DAB2IP: variants seen among roughly 807,000 people sequenced by gnomAD.
DAB2IP encodes disabled homolog 2-interacting protein.
DAB2IP carries 28 observed loss-of-function variants against 107.2 expected under a neutral mutation model. The ratio of observed to expected loss-of-function variants is 0.26; its 90% CI spans 0.19 to 0.36. The LOEUF is 0.36. Ranked by LOEUF, DAB2IP falls within the 10% of genes least tolerant of loss-of-function variation. The pLI is 1.00. For missense variants in DAB2IP, 1,400 were observed against 1,644.7 expected, an observed-to-expected ratio of 0.85 and a Z score of 2.57; for synonymous variants, 755 against 706.4, an observed-to-expected ratio of 1.07 and a Z score of -1.09.
chr9:121,628,743 T>G (rs1184913702), intron 1 of DAB2IP, among the ~76,000 whole-genome samples: 2 of 152,184 alleles, frequency 1.3e-5, no homozygotes, highest in Non-Finnish European at 2.9e-5. Flanking sequence ...AGAGGCTCTT[T>G]GGCTACCTGT....
At chr9:121,779,456 C>T (rs79724218) in intron 14 of DAB2IP, among the ~76,000 whole-genome samples, 11,812 of 152,256 alleles carry the variant, frequency 0.078, 1,064 homozygotes, top group African/African-American at 0.22. Context: ...TTGTGAATCT[C>T]ACAGTGAGGT....
exon 10 of DAB2IP, chr9:121,768,508 C>G: frequency 6.2e-7 from 1 of 1,614,232 alleles, no homozygotes; most frequent in Non-Finnish European, 8.5e-7. Flanking sequence ...GCAGCGCTTC[C>G]TGCTGGAGAT....
In DAB2IP at chr9:121,699,473, G is replaced by A; in HGVS notation, c.362+15G>A. 7.6e-7 allele frequency: 1 copy of A among 1,320,754 alleles called. No homozygotes were observed. The highest frequency in any genetic ancestry group is 1.6e-5 in the African/African-American group (1 of 63,682). The allele number at this position is 1,320,754 out of a possible 1,614,324, so 81.8% of individuals were successfully genotyped here. ...GACAATGAGAGGTGAGCCCGCCGCC[G>A]CCGCCCGGTCCCCCGCGCCGCCGCC... On this transcript the variant is annotated intron_variant, in intron 3 of 15. Transcript: ENST00000408936. The surrounding 1 kb of genome is among the most constrained non-coding windows in gnomAD (Gnocchi z 6.2).
At chr9:121,614,014 G>A (rs1389008236) in intron 1 of DAB2IP, among the ~76,000 whole-genome samples, 2 of 152,162 alleles carry the variant, frequency 1.3e-5, no homozygotes, top group Non-Finnish European at 2.9e-5. Context: ...AAACTGATGT[G>A]CTGGGGGGCT....
intron 1 of DAB2IP, among the ~76,000 whole-genome samples, chr9:121,593,041 C>T (rs1830448367): frequency 6.6e-6 from 1 of 152,178 alleles, no homozygotes; most frequent in Non-Finnish European, 1.5e-5. Context: ...TCTCCTGGGC[C>T]AGCCTCCCTG....
rs1207573724 is a variant in DAB2IP at position 121,782,451 on chromosome 9, T to C, written c.3523T>C (p.Leu1175=). 2 of 1,613,828 alleles carry C rather than the reference T, an allele frequency of 1.2e-6. No homozygotes were observed. The highest frequency in any genetic ancestry group is 1.3e-5 in the African/African-American group (1 of 74,864). Residue 1175 remains leucine (L), a synonymous_variant, in exon 16 of 16, where the codon TTG becomes CTG. Coordinates refer to ENST00000408936, the Ensembl canonical transcript of DAB2IP. The surrounding 1 kb of genome is among the most constrained non-coding windows in gnomAD (Gnocchi z 6.1). Reference sequence around the variant, plus strand: ...CATCTCCCCCACCAACCCCACCAAATTGCAGATTACTGAGAACGGCGAGTT... The same window carrying C: ...CATCTCCCCCACCAACCCCACCAAACTGCAGATTACTGAGAACGGCGAGTT...
At chr9:121,641,962 C>CTG (rs1213547016) in intron 1 of DAB2IP, among the ~76,000 whole-genome samples, 20 of 35,944 alleles carry the variant, frequency 5.6e-4, no homozygotes, top group African/African-American at 2.4e-3. Context: ...TTCTTTCTTT[C>CTG]TCTCTCTCTC....
chr9:121,781,890 A>G (rs1007961873), intron 15 of DAB2IP, among the ~76,000 whole-genome samples: 1 of 152,150 alleles, frequency 6.6e-6, no homozygotes, highest in African/African-American at 2.4e-5. Context: ...CTCGTTCACA[A>G]CTATGGCATC....
chr9:121,743,885 G>T (rs950251852), intron 3 of DAB2IP, among the ~76,000 whole-genome samples: 4 of 143,692 alleles, frequency 2.8e-5, no homozygotes, highest in Non-Finnish European at 6.0e-5. Context: ...GCCCCTCTAC[G>T]CAGACATCCA....
At position 121,651,799 on chromosome 9, in the gene DAB2IP, G is replaced by T; in HGVS notation, c.24G>T (p.Arg8Ser). 6.9e-7 allele frequency: 1 copy of T among 1,440,052 alleles called. No homozygotes were observed. The highest frequency in any genetic ancestry group is 9.2e-7 in the Non-Finnish European group (1 of 1,091,926). 89.2% of individuals were successfully genotyped at this position (1,440,052 alleles called of 1,614,324 possible). Residue 8 changes from arginine to serine, a missense_variant, in exon 1 of 16, where the codon AGG becomes AGT. Arg to Ser is a moderately radical substitution (Grantham distance 110). This residue lies in a region of DAB2IP where 283 missense variants were observed against 237.0 expected (regional missense o/e 1.19). Transcript: ENST00000408936. The surrounding 1 kb of genome is among the most constrained non-coding windows in gnomAD (Gnocchi z 5.1). ...GCATGTCCGCGGGCGGCAGCGCCAG[G>T]AAGAGCACCGGGAGGTCCTCCTACT...
chr9:121,632,166 G>A (rs536430528), intron 1 of DAB2IP, among the ~76,000 whole-genome samples: 86 of 152,320 alleles, frequency 5.6e-4, no homozygotes, highest in Non-Finnish European at 1.1e-3. Context: ...TACTAGCTGC[G>A]TGGCCTCGGG....
chr9:121,581,239 A>T (rs990940940), intron 1 of DAB2IP, among the ~76,000 whole-genome samples: 1 of 152,166 alleles, frequency 6.6e-6, no homozygotes, highest in Admixed American at 6.5e-5. Flanking sequence ...AAGAAGACCC[A>T]GAGCCAAGGG....
intron 1 of DAB2IP, among the ~76,000 whole-genome samples, chr9:121,655,571 A>C (rs1479734960): frequency 6.6e-6 from 1 of 152,146 alleles, no homozygotes; most frequent in Non-Finnish European, 1.5e-5. Context: ...GTCTCTTTCT[A>C]GGGGACAGAG....
chr9:121,620,233 GC>G (rs748024980), intron 1 of DAB2IP, among the ~76,000 whole-genome samples: 3 of 152,220 alleles, frequency 2.0e-5, no homozygotes, highest in Non-Finnish European at 4.4e-5. Context: ...TGGAGCCCTG[GC>G]CAGGCACCCC....
chr9:121,756,907 G>T, intron 3 of DAB2IP, 106 bp from the exon 4 acceptor site: 1 of 1,462,770 alleles, frequency 6.8e-7, no homozygotes, highest in Non-Finnish European at 9.5e-7. Context: ...GTGGAGAGGA[G>T]TGGCTGCCTG....
intron 1 of DAB2IP, among the ~76,000 whole-genome samples, chr9:121,660,531 A>G (rs1321873140): frequency 6.6e-6 from 1 of 152,162 alleles, no homozygotes; most frequent in African/African-American, 2.4e-5. Context: ...GGGGGAAGGC[A>G]GAGGGCAGGT....
chr9:121,693,660 G>A (rs1157231722), intron 2 of DAB2IP, among the ~76,000 whole-genome samples: 1 of 152,230 alleles, frequency 6.6e-6, no homozygotes, highest in Non-Finnish European at 1.5e-5. Flanking sequence ...TCCCCAGTGG[G>A]CAGCTGAGAG....
intron 3 of DAB2IP, among the ~76,000 whole-genome samples, chr9:121,705,911 C>G (rs1830036262): frequency 6.6e-6 from 1 of 152,220 alleles, no homozygotes; most frequent in Non-Finnish European, 1.5e-5. Flanking sequence ...AATTACCAGG[C>G]TCTAATTAAT....
rs375894257 is a variant in DAB2IP at position 121,599,300 on chromosome 9, G to C, written c.40+32072G>C. Among the ~76,000 whole-genome samples, 11 of 152,216 alleles carry C rather than the reference G, an allele frequency of 7.2e-5. No individual in the cohort carries two copies. The East Asian group carries it at 1.4e-3, about 19-fold the overall frequency. On this transcript the variant is annotated intron_variant, in intron 1 of 16. Transcript: ENST00000259371. The surrounding 1 kb of genome is among the most constrained non-coding windows in gnomAD (Gnocchi z 6.9). Reference sequence around the variant, plus strand: ...AGGGGAGGGGGCGTGTGGTCCCGCCGGCATCTCGGGCCGGCACCAGGCTGG... The same window carrying C: ...AGGGGAGGGGGCGTGTGGTCCCGCCCGCATCTCGGGCCGGCACCAGGCTGG...
Sources: allele counts gnomAD v4.1 joint callset (sites outside exome capture counted in the v4.1 genomes callset), GRCh38; gene constraint gnomAD v4.1.1; regional missense constraint gnomAD v4.1.1; non-coding constraint Gnocchi (gnomAD v3.1); transcripts MANE v1.5; gene names NCBI Gene and HGNC (gene_info 2026-07-23, HGNC 2026-07-21).